The following CNOT6L variants were observed in gnomAD, a reference collection of about 807,000 sequenced individuals.
CNOT6L encodes the protein CCR4-NOT transcription complex subunit 6 like, also known as CCR4-NOT transcription complex subunit 6-like.
CNOT6L carries 7 observed loss-of-function variants against 64.0 expected under a neutral mutation model. That is an observed-to-expected ratio of 0.11 (90% confidence interval 0.06 to 0.21). The LOEUF is 0.21. Among genes scored for constraint, CNOT6L ranks in the 10% least tolerant of loss-of-function variants. The pLI, the probability that CNOT6L is intolerant of heterozygous loss-of-function variation, is 1.00. For missense variants in CNOT6L, 245 were observed against 669.0 expected (o/e 0.37, Z 6.99); for synonymous variants, 193 against 243.4 (o/e 0.79, Z 1.93).
intron 5 of CNOT6L, among the ~76,000 whole-genome samples, chr4:77,750,633 G>A (rs191457580): frequency 2.0e-4 from 31 of 152,286 alleles, no homozygotes; most frequent in Admixed American, 8.5e-4. Context: ...GATTACAGGC[G>A]TGAGCCACTG....
At chr4:77,755,303 C>T (rs1325232326) in intron 5 of CNOT6L, among the ~76,000 whole-genome samples, 2 of 120,666 alleles carry the variant, frequency 1.7e-5, no homozygotes, top group Admixed American at 1.2e-4. Flanking sequence ...TGCAGTGGCG[C>T]AATCTCGGGT....
At chr4:77,759,342 G>T (rs187497795) in intron 4 of CNOT6L, among the ~76,000 whole-genome samples, 2 of 151,994 alleles carry the variant, frequency 1.3e-5, no homozygotes, top group African/African-American at 4.8e-5. Context: ...GAGGCGGGTG[G>T]ATCATGAGGT....
intron 1 of CNOT6L, among the ~76,000 whole-genome samples, chr4:77,776,629 C>G (rs1728171899): frequency 6.6e-6 from 1 of 152,210 alleles, no homozygotes; most frequent in Non-Finnish European, 1.5e-5. Context: ...CAGCACTGGA[C>G]TTTGCAATGA....
intron 1 of CNOT6L, among the ~76,000 whole-genome samples, chr4:77,781,547 G>A (rs1351542748): frequency 6.6e-6 from 1 of 152,050 alleles, no homozygotes; most frequent in Non-Finnish European, 1.5e-5. Flanking sequence ...AACTACATAT[G>A]AAATACATAC....
At chr4:77,724,548 G>A (rs562980325) in intron 11 of CNOT6L, among the ~76,000 whole-genome samples, 2 of 151,488 alleles carry the variant, frequency 1.3e-5, no homozygotes, top group South Asian at 2.1e-4. Flanking sequence ...GCAGAGGTAG[G>A]AGGATGTCTT....
chr4:77,750,342 C>T (rs1709170897), intron 5 of CNOT6L, among the ~76,000 whole-genome samples: 1 of 151,994 alleles, frequency 6.6e-6, no homozygotes, highest in African/African-American at 2.4e-5. Context: ...TCATGTGAGA[C>T]ATGCATTTAA....
chr4:77,787,637 C>CT (rs1729603210), intron 1 of CNOT6L, among the ~76,000 whole-genome samples: 1 of 152,120 alleles, frequency 6.6e-6, no homozygotes, highest in Non-Finnish European at 1.5e-5. Context: ...TCAAACTCTT[C>CT]CTTGAAACTC....
chr4:77,773,050 A>G, intron 4 of CNOT6L, 31 bp downstream of exon 4: 1 of 1,453,420 alleles, frequency 6.9e-7, no homozygotes, highest in Non-Finnish European at 9.5e-7. Flanking sequence ...AAAGGCTCAG[A>G]ATACCTCAAA....
In CNOT6L at chr4:77,774,824, T is replaced by C. The variant is rs974666516; in HGVS notation, c.128-108A>G. 5 of 609,700 alleles carry C rather than the reference T, an allele frequency of 8.2e-6. No individual in the cohort carries two copies. The African/African-American group carries it at 9.7e-5, about 12-fold the overall frequency. 37.8% of individuals were successfully genotyped at this position (609,700 alleles called of 1,614,324 possible). Reference sequence around the variant, plus strand: ...AGAGGCTGCAAATACACATGGATATTGTATCTCTGACATTTTAATTTTTTA... The same window carrying C: ...AGAGGCTGCAAATACACATGGATATCGTATCTCTGACATTTTAATTTTTTA... On this transcript the variant is annotated intron_variant, in intron 2 of 11. Coordinates refer to ENST00000504123, the MANE Select transcript of CNOT6L (RefSeq NM_144571.3).
chr4:77,766,241 T>C (rs1357646194), intron 4 of CNOT6L, among the ~76,000 whole-genome samples: 4 of 152,202 alleles, frequency 2.6e-5, no homozygotes, highest in Admixed American at 2.6e-4. Context: ...ACCATACATT[T>C]ACCTTATTAA....
intron 8 of CNOT6L, among the ~76,000 whole-genome samples, chr4:77,740,600 G>A (rs577558002): frequency 6.6e-6 from 1 of 152,136 alleles, no homozygotes; most frequent in African/African-American, 2.4e-5. Flanking sequence ...TAGCTGTATA[G>A]CTGCCTGTAA....
chr4:77,790,805 C>T (rs115224043), intron 1 of CNOT6L, among the ~76,000 whole-genome samples: 4,822 of 147,908 alleles, frequency 0.033, 255 homozygotes, highest in African/African-American at 0.11. Context: ...CCCACCACTG[C>T]GCCTGGCTGA....
intron 5 of CNOT6L, among the ~76,000 whole-genome samples, chr4:77,753,439 G>C (rs1444084364): frequency 6.6e-6 from 1 of 152,104 alleles, no homozygotes; most frequent in Non-Finnish European, 1.5e-5. Flanking sequence ...GAGAAGCCAA[G>C]GTGAGCTGAT....
intron 1 of CNOT6L, chr4:77,818,873 C>G (rs925931177): frequency 1.3e-5 from 4 of 300,780 alleles, no homozygotes; most frequent in Middle Eastern, 1.0e-3. Context: ...GCCCCGGGAT[C>G]AGCGGCGCGG....
intron 4 of CNOT6L, among the ~76,000 whole-genome samples, chr4:77,768,863 ACCAC>A (rs1727194912): frequency 5.3e-5 from 8 of 152,154 alleles, no homozygotes; most frequent in Admixed American, 2.0e-4. Flanking sequence ...TTTTAGTACA[ACCAC>A]TTTGTAAAAC....
At chr4:77,753,491 C>T (rs1158622508) in intron 5 of CNOT6L, among the ~76,000 whole-genome samples, 1 of 151,780 alleles carries the variant, frequency 6.6e-6, no homozygotes. Context: ...GCCAACATGA[C>T]GAAACCCTGT....
intron 8 of CNOT6L, among the ~76,000 whole-genome samples, chr4:77,740,074 T>C (rs549158397): frequency 5.9e-5 from 9 of 152,010 alleles, no homozygotes; most frequent in African/African-American, 1.7e-4. Flanking sequence ...TGTATGAACA[T>C]AGGTAACAAA....
intron 1 of CNOT6L, among the ~76,000 whole-genome samples, chr4:77,777,238 C>CA (rs766345478): frequency 6.6e-6 from 1 of 152,134 alleles, no homozygotes; most frequent in African/African-American, 2.4e-5. Flanking sequence ...TTTTCATGCT[C>CA]AAAAGAGTCC....
chr4:77,818,944 C>T, intron 1 of CNOT6L: 1 of 640,826 alleles, frequency 1.6e-6, no homozygotes, highest in Non-Finnish European at 2.9e-6. Flanking sequence ...CTCAGCCCTC[C>T]CCGGCCGGCC....
Sources: allele counts gnomAD v4.1 joint callset (sites outside exome capture counted in the v4.1 genomes callset), GRCh38; gene constraint gnomAD v4.1.1; transcripts MANE v1.5; gene names NCBI Gene and HGNC (gene_info 2026-07-23, HGNC 2026-07-21).